The following SPMAP2L variants were observed in gnomAD, a reference collection of about 807,000 sequenced individuals.
SPMAP2L encodes the protein sperm microtubule associated protein 2 like.
chr4:56,594,767 G>T, the SPMAP2L span: 12 of 1,510,852 alleles, frequency 7.9e-6, no homozygotes, highest in Non-Finnish European at 1.1e-5. Context: ...ATCCACCAAT[G>T]GGGTGTTTGA....
the SPMAP2L span, among the ~76,000 whole-genome samples, chr4:56,556,971 G>A: frequency 4.6e-5 from 7 of 152,152 alleles, no homozygotes; most frequent in South Asian, 2.1e-4. Context: ...GAGAGAGGCC[G>A]GGTGTGGTGG....
At chr4:56,564,326 G>C in the SPMAP2L span, among the ~76,000 whole-genome samples, 1 of 152,000 alleles carries the variant, frequency 6.6e-6, no homozygotes. Context: ...TTTTAGTAGA[G>C]ACGGAGTTTC....
chr4:56,600,874 T>TA, the SPMAP2L span: 2 of 1,465,256 alleles, frequency 1.4e-6, no homozygotes, highest in East Asian at 4.9e-5. Context: ...GATATAGCTA[T>TA]AGACATAGAG....
chr4:56,584,912 A>C, the SPMAP2L span, among the ~76,000 whole-genome samples: 1 of 152,178 alleles, frequency 6.6e-6, no homozygotes, highest in South Asian at 2.1e-4. Context: ...CTGGTTATAC[A>C]TCTAGAAGCA....
the SPMAP2L span, chr4:56,594,569 G>C: frequency 2.5e-6 from 4 of 1,604,292 alleles, no homozygotes; most frequent in East Asian, 6.7e-5. Context: ...CCAGAAAGGA[G>C]AGGGGCACAG....
chr4:56,585,902 C>G, the SPMAP2L span, among the ~76,000 whole-genome samples: 1 of 152,300 alleles, frequency 6.6e-6, no homozygotes, highest in African/African-American at 2.4e-5. Context: ...TCCAGATAAT[C>G]TAAAACCAAT....
chr4:56,562,725 G>C, the SPMAP2L span, among the ~76,000 whole-genome samples: 1 of 149,352 alleles, frequency 6.7e-6, no homozygotes, highest in African/African-American at 2.5e-5. Flanking sequence ...ATTTTAAAAG[G>C]CAACAAAAAT....
chr4:56,593,854 T>C, the SPMAP2L span: 5 of 1,611,420 alleles, frequency 3.1e-6, no homozygotes, highest in South Asian at 5.5e-5. Flanking sequence ...CAATCTACCA[T>C]GGTTCCCATG....
chr4:56,625,768 T>C, the SPMAP2L span, among the ~76,000 whole-genome samples: 75 of 152,316 alleles, frequency 4.9e-4, no homozygotes, highest in Middle Eastern at 6.8e-3. Context: ...CCAATTTCAG[T>C]ATATCTTTAT....
the SPMAP2L span, among the ~76,000 whole-genome samples, chr4:56,578,893 T>TA: frequency 6.6e-6 from 1 of 151,120 alleles, no homozygotes; most frequent in Non-Finnish European, 1.5e-5. Context: ...GCCTGGGTAA[T>TA]ATAGCAAGAC....
At chr4:56,562,967 T>A in the SPMAP2L span, among the ~76,000 whole-genome samples, 4 of 152,046 alleles carry the variant, frequency 2.6e-5, no homozygotes, top group African/African-American at 9.7e-5. Context: ...ATTTCCAATT[T>A]TGTAGCATAT....
chr4:56,599,717 T>G, the SPMAP2L span, among the ~76,000 whole-genome samples: 3 of 152,214 alleles, frequency 2.0e-5, no homozygotes, highest in East Asian at 5.8e-4. Flanking sequence ...TCCATATCCT[T>G]GCAAAAGATA....
At chr4:56,584,600 C>T in the SPMAP2L span, 2 of 1,534,618 alleles carry the variant, frequency 1.3e-6, no homozygotes, top group Non-Finnish European at 1.7e-6. Flanking sequence ...AAACTATCAT[C>T]CTTCAAAAAA....
chr4:56,547,691 C>T, the SPMAP2L span, among the ~76,000 whole-genome samples: 4 of 152,150 alleles, frequency 2.6e-5, no homozygotes, highest in Admixed American at 6.5e-5. Flanking sequence ...GATGCTGTAG[C>T]GCACCCACTT....
the SPMAP2L span, among the ~76,000 whole-genome samples, chr4:56,605,851 C>G: frequency 6.6e-6 from 1 of 152,308 alleles, no homozygotes. Flanking sequence ...GGCATAAACC[C>G]TATATCTAAT....
the SPMAP2L span, among the ~76,000 whole-genome samples, chr4:56,600,214 G>C: frequency 1.3e-5 from 2 of 149,812 alleles, no homozygotes; most frequent in South Asian, 4.2e-4. Context: ...CAAAGTGCTG[G>C]GACTGATTAC....
the SPMAP2L span, chr4:56,593,386 G>A: frequency 4.6e-6 from 6 of 1,299,732 alleles, no homozygotes; most frequent in African/African-American, 8.7e-5. Context: ...AGTCCTCATT[G>A]AGCTGAAGTT....
chr4:56,614,977 A>C, the SPMAP2L span, among the ~76,000 whole-genome samples: 1 of 152,230 alleles, frequency 6.6e-6, no homozygotes, highest in African/African-American at 2.4e-5. Context: ...GAGGAGCCCC[A>C]GAAGCTTAGA....
At chr4:56,575,863 C>T in the SPMAP2L span, among the ~76,000 whole-genome samples, 1 of 152,206 alleles carries the variant, frequency 6.6e-6, no homozygotes, top group African/African-American at 2.4e-5. Context: ...AAAATTTATA[C>T]TAAACCTTAC....
Sources: allele counts gnomAD v4.1 joint callset (sites outside exome capture counted in the v4.1 genomes callset), GRCh38; gene constraint gnomAD v4.1.1; transcripts MANE v1.5; gene names NCBI Gene and HGNC (gene_info 2026-07-23, HGNC 2026-07-21).